SCRN1: variants seen among roughly 807,000 people sequenced by gnomAD.
The protein encoded by SCRN1 is secernin 1, also known as secernin-1.
SCRN1 carries 19 observed loss-of-function variants against 43.3 expected under a neutral mutation model. The observed-to-expected ratio is 0.44, with a 90% CI of 0.31 to 0.64. The LOEUF (loss-of-function observed/expected upper bound fraction) is 0.64. Among genes scored for constraint, SCRN1 ranks in the 30% least tolerant of loss-of-function variants. The pLI is 0.09. For synonymous variants in SCRN1, 183 were observed against 188.9 expected, an observed-to-expected ratio of 0.97 and a Z score of 0.26; for missense variants, 447 against 524.1, an observed-to-expected ratio of 0.85 and a Z score of 1.44.
At chr7:29,959,287 G>A (rs548178858) in intron 2 of SCRN1, among the ~76,000 whole-genome samples, 4 of 152,278 alleles carry the variant, frequency 2.6e-5, no homozygotes, top group Non-Finnish European at 5.9e-5. Flanking sequence ...AACTTCTTAC[G>A]GTGGGAGAAG....
chr7:29,957,176 T>C (rs1316826810), intron 2 of SCRN1, among the ~76,000 whole-genome samples: 1 of 152,264 alleles, frequency 6.6e-6, no homozygotes, highest in East Asian at 1.9e-4. Context: ...CTCATTTCCA[T>C]TTCCCCAATT....
At chr7:29,966,329 T>G (rs756999442) in intron 2 of SCRN1, among the ~76,000 whole-genome samples, 1 of 152,224 alleles carries the variant, frequency 6.6e-6, no homozygotes, top group Non-Finnish European at 1.5e-5. Context: ...AGACTCACCT[T>G]TCCCTCTTCG....
In SCRN1 at chr7:29,989,771, G is replaced by C. The variant is rs1789303804; in HGVS notation, c.-131C>G. The C allele has an allele frequency of 2.3e-5, 23 of 986,474 alleles. No homozygotes were observed. In the South Asian group the frequency reaches 9.8e-4, roughly 42 times the overall value. The allele number at this position is 986,474 out of a possible 1,614,324, so 61.1% of individuals were successfully genotyped here. On this transcript the variant is annotated 5_prime_UTR_variant, in exon 1 of 8. Coordinates refer to ENST00000242059, the MANE Select transcript of SCRN1 (RefSeq NM_014766.5). ...GGGCTGCAGCTGCAGTGGCGGAGGC[G>C]GCCGCCGGGCGCTTCCCCCTACCCA...
intron 1 of SCRN1, chr7:29,970,070 G>A (rs1583690395): frequency 3.1e-6 from 1 of 323,310 alleles, no homozygotes. Flanking sequence ...ACTTCCGGAG[G>A]GGTTGCTCCA....
rs567313609 is a variant in SCRN1 at position 29,988,009 on chromosome 7, T to C, written c.-2+1633A>G. Reference sequence around the variant, plus strand: ...TCTCCTTCCCAAAAGACAAGATGGCTGGCAGCACGGAAGTGAAAAGGGAAA... The same window carrying C: ...TCTCCTTCCCAAAAGACAAGATGGCCGGCAGCACGGAAGTGAAAAGGGAAA... On this transcript the variant is annotated intron_variant, in intron 1 of 7. Coordinates refer to ENST00000242059, the MANE Select transcript of SCRN1 (RefSeq NM_014766.5). Among the ~76,000 whole-genome samples, 10 of 152,190 alleles carry C rather than the reference T, an allele frequency of 6.6e-5. No homozygotes were observed. In the South Asian group the frequency reaches 1.0e-3, roughly 16 times the overall value.
Position 29,965,265 on chromosome 7 carries a change from G to A in SCRN1, c.159+3644C>T, listed in dbSNP as rs1788450889. ...TGTAAACAAAACGAAACACTTTTCA[G>A]CAAGGGAGTGGTAGAGCTATCTATG... On this transcript the variant is annotated intron_variant, in intron 2 of 7. Coordinates refer to ENST00000242059, the MANE Select transcript of SCRN1 (RefSeq NM_014766.5). The surrounding 1 kb of genome is among the most constrained non-coding windows in gnomAD (Gnocchi z 4.2). Among the ~76,000 whole-genome samples, 3 of 152,188 alleles carry A rather than the reference G, an allele frequency of 2.0e-5. No homozygotes were observed. The South Asian group carries it at 6.2e-4, about 31-fold the overall frequency.
At position 29,954,413 on chromosome 7, in the gene SCRN1, A is replaced by C. The variant is rs564351709; in HGVS notation, c.341+766T>G. Among the ~76,000 whole-genome samples, 96 of 152,110 alleles carry C rather than the reference A, an allele frequency of 6.3e-4. 1 individual carries two copies. Among genetic ancestry groups the C allele is most frequent in the African/African-American group, 2.2e-3 (92 of 41,468 alleles). On this transcript the variant is annotated intron_variant, in intron 3 of 7. Transcript: ENST00000242059. ...TTCAGTGGTTTTTAGTGTACTCACA[A>C]AGTTGTGCAGCCATCACCACAATCT...
chr7:29,926,620 C>A lies in SCRN1; in HGVS notation c.918G>T (p.Lys306Asn). Reference sequence around the variant, plus strand: ...TTACGTCATCAACAAAGATGAAAGGCTTGAATATGGACCTGGAGAGGAAGG... The same window carrying A: ...TTACGTCATCAACAAAGATGAAAGGATTGAATATGGACCTGGAGAGGAAGG... ...GTPDPSRSIF[K>N]PFIFVDDVKL... Residue 306 changes from lysine (K) to asparagine (N), a missense_variant, in exon 7 of 8, where the codon AAG becomes AAT. Physicochemically the swap from Lys to Asn is moderately conservative, Grantham distance 94. Coordinates refer to ENST00000242059, the MANE Select transcript of SCRN1 (RefSeq NM_014766.5). 6.2e-7 allele frequency: 1 copy of A among 1,613,916 alleles called. No homozygotes were observed. The highest frequency in any genetic ancestry group is 8.5e-7 in the Non-Finnish European group (1 of 1,179,916).
At chr7:29,975,072 C>T (rs936111884) in intron 1 of SCRN1, among the ~76,000 whole-genome samples, 1 of 151,938 alleles carries the variant, frequency 6.6e-6, no homozygotes. Context: ...TAATCTCATA[C>T]AACGTTATGA....
intron 3 of SCRN1, among the ~76,000 whole-genome samples, chr7:29,953,798 T>C (rs10488083): frequency 0.02 from 3,050 of 152,230 alleles, 42 homozygotes; most frequent in East Asian, 0.041. Context: ...TGTCTAAATG[T>C]GCCATTTCCC....
At chr7:29,949,992 C>T (rs1287817228) in intron 3 of SCRN1, among the ~76,000 whole-genome samples, 1 of 152,184 alleles carries the variant, frequency 6.6e-6, no homozygotes, top group Non-Finnish European at 1.5e-5. Flanking sequence ...ATGCCGGCTG[C>T]AACAGGGAGG....
chr7:29,929,843 T>G (rs1314170232), intron 6 of SCRN1, among the ~76,000 whole-genome samples: 1 of 152,238 alleles, frequency 6.6e-6, no homozygotes, highest in Non-Finnish European at 1.5e-5. Context: ...TCTTCTGTAT[T>G]CAATATAGGA....
chr7:29,930,961 C>T lies in SCRN1; in HGVS notation c.906-4329G>A, dbSNP rs1397727522. 5.9e-5 allele frequency among the ~76,000 whole-genome samples: 9 copies of T among 152,114 alleles called. No homozygotes were observed. In the East Asian group the frequency reaches 1.5e-3, roughly 26 times the overall value. ...AGCCTCCCTCAGCATCCAGCTCTCA[C>T]GAAGACAAATCCAAGGGCTGAGACA... On this transcript the variant is annotated intron_variant, in intron 6 of 7. Coordinates refer to ENST00000242059, the MANE Select transcript of SCRN1 (RefSeq NM_014766.5).
intron 2 of SCRN1, among the ~76,000 whole-genome samples, chr7:29,961,951 A>G (rs1341951953): frequency 6.6e-6 from 1 of 152,074 alleles, no homozygotes; most frequent in African/African-American, 2.4e-5. Flanking sequence ...TAAGTGGACA[A>G]GTTGAAGGGA....
chr7:29,962,692 A>AAAATG (rs1788366511), intron 2 of SCRN1, among the ~76,000 whole-genome samples: 1 of 151,778 alleles, frequency 6.6e-6, no homozygotes, highest in African/African-American at 2.4e-5. Flanking sequence ...TCTCAAACAT[A>AAAATG]AAATAAAATA....
intron 6 of SCRN1, among the ~76,000 whole-genome samples, chr7:29,933,422 G>C (rs1025089070): frequency 6.6e-6 from 1 of 152,122 alleles, no homozygotes; most frequent in Admixed American, 6.5e-5. Flanking sequence ...GTAAGACTCC[G>C]AATTTTACAC....
rs1163283061 is a variant in SCRN1, at chr7:29,920,833, C to A, written c.*3124G>T. On this transcript the variant is annotated 3_prime_UTR_variant, in exon 8 of 8. Transcript: ENST00000242059. ...AATGATTCACCCAATAGTAAAGGAACCCCACAGCTAAGGTCTAACAGGCAT... is the reference window on the plus strand; with the variant it reads ...AATGATTCACCCAATAGTAAAGGAAACCCACAGCTAAGGTCTAACAGGCAT... 5.9e-5 allele frequency: 9 copies of A among 152,154 alleles called. No homozygotes were observed. The highest frequency in any genetic ancestry group is 1.5e-5 in the Non-Finnish European group (1 of 68,032). The allele number at this position is 152,154 out of a possible 1,614,324, so 9.4% of individuals were successfully genotyped here.
At chr7:29,932,633 C>A (rs1211568854) in intron 6 of SCRN1, among the ~76,000 whole-genome samples, 6 of 97,588 alleles carry the variant, frequency 6.1e-5, no homozygotes, top group Non-Finnish European at 1.1e-4. Flanking sequence ...GCCTAGGTAA[C>A]AGAGTGAGAT....
chr7:29,974,300 T>C (rs1788744301), intron 1 of SCRN1, among the ~76,000 whole-genome samples: 1 of 152,262 alleles, frequency 6.6e-6, no homozygotes, highest in African/African-American at 2.4e-5. Context: ...ATATGAGTTA[T>C]AGCTAGGATG....
Sources: allele counts gnomAD v4.1 joint callset (sites outside exome capture counted in the v4.1 genomes callset), GRCh38; gene constraint gnomAD v4.1.1; non-coding constraint Gnocchi (gnomAD v3.1); transcripts MANE v1.5; gene names NCBI Gene and HGNC (gene_info 2026-07-23, HGNC 2026-07-21).